PTPRM: variants seen among roughly 807,000 people sequenced by gnomAD.
PTPRM encodes receptor-type tyrosine-protein phosphatase mu.
PTPRM carries 47 observed loss-of-function variants against 186.7 expected under a neutral mutation model. The observed-to-expected ratio is 0.25, with a 90% CI of 0.20 to 0.32. The LOEUF is 0.32. Ranked by LOEUF, PTPRM falls within the 10% of genes least tolerant of loss-of-function variation. PTPRM has a pLI of 1.00. For synonymous variants in PTPRM, 668 were observed against 674.9 expected (o/e 0.99, Z 0.16); for missense variants, 1,494 against 1,865.0 (o/e 0.80, Z 3.66).
chr18:7,947,882 AAAC>A lies in PTPRM; in HGVS notation c.664-1295_664-1293del, dbSNP rs370904905. ...TATTCACTCTAAACCTATACACCCC[AAAC>A]AACTGCAGGCCCATAAGCCCAGCCA... is the stretch of plus-strand genomic sequence containing the variant. On this transcript the variant is annotated intron_variant, in intron 5 of 32. Transcript: ENST00000580170. Among the ~76,000 whole-genome samples the A allele has an allele frequency of 1.3e-3, 191 of 152,210 alleles. 1 individual carries two copies. Among genetic ancestry groups the A allele is most frequent in the African/African-American group, 4.5e-3 (187 of 41,526 alleles).
chr18:8,082,318 A>G (rs2090169706), intron 9 of PTPRM, among the ~76,000 whole-genome samples: 1 of 152,202 alleles, frequency 6.6e-6, no homozygotes, highest in African/African-American at 2.4e-5. Context: ...TTGCCCAGTG[A>G]ATTGTATGAA....
chr18:7,782,541 C>T (rs906418124), intron 2 of PTPRM, among the ~76,000 whole-genome samples: 1 of 152,164 alleles, frequency 6.6e-6, no homozygotes, highest in African/African-American at 2.4e-5. Flanking sequence ...TTCTCCAGAA[C>T]TTCTGTGTCT....
intron 14 of PTPRM, among the ~76,000 whole-genome samples, chr18:8,196,155 G>A (rs570919298): frequency 1.3e-5 from 2 of 152,366 alleles, no homozygotes; most frequent in East Asian, 1.9e-4. Context: ...ATAGCTGGCA[G>A]TGAGGAAGTT....
intron 19 of PTPRM, among the ~76,000 whole-genome samples, chr18:8,276,148 C>T (rs1195380684): frequency 2.0e-5 from 3 of 152,064 alleles, no homozygotes; most frequent in Non-Finnish European, 4.4e-5. Context: ...TCCTTGAAGT[C>T]TTCCCACCCA....
chr18:8,056,136 TTATC>T (rs770345916), intron 7 of PTPRM, among the ~76,000 whole-genome samples: 1 of 152,204 alleles, frequency 6.6e-6, no homozygotes, highest in African/African-American at 2.4e-5. Context: ...ATTTATTAAT[TTATC>T]TAATTATTTG....
intron 13 of PTPRM, among the ~76,000 whole-genome samples, chr18:8,138,092 A>G (rs687245): frequency 0.67 from 102,257 of 152,012 alleles, 36,868 homozygotes; most frequent in East Asian, 0.89. Flanking sequence ...TCACGGCTTC[A>G]TCCCTTATAT....
At chr18:8,101,491 TGATA>T (rs2091288882) in intron 11 of PTPRM, among the ~76,000 whole-genome samples, 1 of 152,182 alleles carries the variant, frequency 6.6e-6, no homozygotes, top group African/African-American at 2.4e-5. Context: ...TAGCAGCTTG[TGATA>T]GATAAATAAT....
chr18:7,626,105 T>G (rs1177557071), intron 1 of PTPRM, among the ~76,000 whole-genome samples: 2 of 152,226 alleles, frequency 1.3e-5, no homozygotes, highest in African/African-American at 4.8e-5. Flanking sequence ...TTTTAGCACC[T>G]TTTCCTCTGA....
chr18:8,047,988 C>T (rs753136569), intron 7 of PTPRM, among the ~76,000 whole-genome samples: 3 of 152,088 alleles, frequency 2.0e-5, no homozygotes, highest in Non-Finnish European at 2.9e-5. Context: ...AGTATGAATC[C>T]GTCCATTTTC....
intron 1 of PTPRM, among the ~76,000 whole-genome samples, chr18:7,740,269 G>T (rs1033743681): frequency 6.6e-5 from 10 of 152,308 alleles, no homozygotes; most frequent in African/African-American, 2.4e-4. Flanking sequence ...GTATAGAGTA[G>T]TGGGATTGAC....
chr18:7,950,704 G>C (rs1403304029), intron 6 of PTPRM, among the ~76,000 whole-genome samples: 3 of 152,218 alleles, frequency 2.0e-5, no homozygotes, highest in African/African-American at 7.2e-5. Context: ...TTGGTGGGAA[G>C]GGAGAGGAGG....
At chr18:7,965,964 TAAG>T (rs1245500324) in intron 7 of PTPRM, among the ~76,000 whole-genome samples, 1 of 152,180 alleles carries the variant, frequency 6.6e-6, no homozygotes, top group East Asian at 1.9e-4. Context: ...AAAAGCTAAA[TAAG>T]AAGTAAGATA....
chr18:8,281,182 C>G (rs2094899658), intron 19 of PTPRM, among the ~76,000 whole-genome samples: 1 of 152,214 alleles, frequency 6.6e-6, no homozygotes, highest in African/African-American at 2.4e-5. Context: ...TGCTCTTTAT[C>G]TGAGACACAC....
chr18:8,388,433 G>A lies in PTPRM; in HGVS notation c.4208+1198G>A, dbSNP rs73939470. Among the ~76,000 whole-genome samples the A allele has an allele frequency of 4.1e-3, 629 of 152,222 alleles. 5 individuals are homozygous for A. The highest frequency in any genetic ancestry group is 0.011 in the African/African-American group (447 of 41,536). ...GATGCAATGCCACCTCCTACCCCGG[G>A]CCTGCAAAGTCTCCCTGGAAGCCCA... On this transcript the variant is annotated intron_variant, in intron 31 of 32. Transcript: ENST00000580170.
At chr18:8,041,061 T>C (rs1222976046) in intron 7 of PTPRM, among the ~76,000 whole-genome samples, 1 of 152,226 alleles carries the variant, frequency 6.6e-6, no homozygotes, top group African/African-American at 2.4e-5. Context: ...TGTCAGCAGC[T>C]ATAGAATGCA....
intron 19 of PTPRM, among the ~76,000 whole-genome samples, chr18:8,278,921 C>A (rs1240015344): frequency 6.6e-6 from 1 of 152,128 alleles, no homozygotes; most frequent in Non-Finnish European, 1.5e-5. Flanking sequence ...GTAACTGCCT[C>A]TTTGAAAGCA....
chr18:8,053,146 A>G (rs2087634683), intron 7 of PTPRM, among the ~76,000 whole-genome samples: 1 of 151,700 alleles, frequency 6.6e-6, no homozygotes, highest in Non-Finnish European at 1.5e-5. Context: ...TCTTTATATC[A>G]TTTGTCTTTA....
chr18:7,762,477 T>G (rs2041822690), intron 1 of PTPRM, among the ~76,000 whole-genome samples: 1 of 152,064 alleles, frequency 6.6e-6, no homozygotes, highest in Non-Finnish European at 1.5e-5. Context: ...GGAATGAAGA[T>G]AAAGAGGTAG....
intron 4 of PTPRM, among the ~76,000 whole-genome samples, chr18:7,918,296 T>C (rs539430495): frequency 6.5e-5 from 5 of 77,398 alleles, no homozygotes; most frequent in Non-Finnish European, 1.3e-4. Context: ...CTATGTTTAG[T>C]TTTTGAGAAA....
Sources: gnomAD v4.1 joint callset for allele counts (sites outside exome capture counted in the v4.1 genomes callset) on GRCh38, gnomAD v4.1.1 for gene constraint, MANE v1.5 for transcripts, NCBI Gene and HGNC (gene_info 2026-07-23, HGNC 2026-07-21) for gene names.